DOCK3: variants seen among roughly 807,000 people sequenced by gnomAD.
DOCK3 encodes dedicator of cytokinesis 3, also known as dedicator of cytokinesis protein 3.
In DOCK3, 60 loss-of-function variants were observed where a neutral mutation model predicts 265.6. The ratio of observed to expected loss-of-function variants is 0.23; its 90% CI spans 0.18 to 0.28. The LOEUF (loss-of-function observed/expected upper bound fraction) is 0.28. DOCK3 is among the 10% of genes least tolerant of loss of function. The probability of loss-of-function intolerance (pLI) is 1.00; values close to 1 mark genes in which losing one functional copy is unlikely to be tolerated. For missense variants in DOCK3, 1,981 were observed against 2,594.3 expected (o/e 0.76, Z 5.14); for synonymous variants, 881 against 938.0 (o/e 0.94, Z 1.11).
chr3:50,863,359 G>C, intron 3 of DOCK3: 2 of 512,582 alleles, frequency 3.9e-6, no homozygotes, highest in South Asian at 2.9e-5. Flanking sequence ...CTGGCTACCC[G>C]GTTCTTTGTG....
chr3:51,337,035 G>T, intron 35 of DOCK3: 1 of 390,216 alleles, frequency 2.6e-6, no homozygotes, highest in East Asian at 7.2e-5. Context: ...CTCTGCTAGC[G>T]CTAAAGGGAC....
intron 9 of DOCK3, among the ~76,000 whole-genome samples, chr3:51,094,205 C>T (rs963163136): frequency 1.3e-5 from 2 of 152,076 alleles, no homozygotes; most frequent in African/African-American, 4.8e-5. Flanking sequence ...GGGATGATTC[C>T]CTCTTTTTCT....
At chr3:50,846,023 A>G (rs995971641) in intron 3 of DOCK3, among the ~76,000 whole-genome samples, 7 of 152,228 alleles carry the variant, frequency 4.6e-5, no homozygotes, top group Non-Finnish European at 8.8e-5. Flanking sequence ...TGAGGAATCA[A>G]TGAGTTGATA....
At chr3:50,750,322 A>ATTTTT (rs34249464) in intron 1 of DOCK3, among the ~76,000 whole-genome samples, 1 of 73,640 alleles carries the variant, frequency 1.4e-5, no homozygotes, top group Non-Finnish European at 2.7e-5. Flanking sequence ...TCTACCTTTG[A>ATTTTT]TTTTTTTTTT....
At chr3:50,937,207 G>A (rs2051416784) in intron 5 of DOCK3, among the ~76,000 whole-genome samples, 1 of 151,410 alleles carries the variant, frequency 6.6e-6, no homozygotes, top group Non-Finnish European at 1.5e-5. Context: ...AACCTGGGAG[G>A]CGGAGGTTTC....
At chr3:51,083,776 A>T (rs1180454157) in intron 7 of DOCK3, among the ~76,000 whole-genome samples, 2 of 152,288 alleles carry the variant, frequency 1.3e-5, no homozygotes, top group East Asian at 1.9e-4. Context: ...TGAGGCCAAG[A>T]GTTCGAGACC....
chr3:51,291,172 T>C (rs768365815), intron 27 of DOCK3, among the ~76,000 whole-genome samples: 39 of 152,294 alleles, frequency 2.6e-4, no homozygotes, highest in Non-Finnish European at 4.1e-4. Flanking sequence ...GAGGGAAGTT[T>C]ATAGCAATAA....
At chr3:51,301,466 T>A (rs1336670255) in intron 27 of DOCK3, among the ~76,000 whole-genome samples, 1 of 152,090 alleles carries the variant, frequency 6.6e-6, no homozygotes, top group Non-Finnish European at 1.5e-5. Flanking sequence ...GTTTGTTTGC[T>A]CTTGGTTCTC....
intron 3 of DOCK3, among the ~76,000 whole-genome samples, chr3:50,888,766 T>C (rs2048477369): frequency 6.6e-6 from 1 of 152,174 alleles, no homozygotes; most frequent in African/African-American, 2.4e-5. Flanking sequence ...GGGGAAAGGA[T>C]GCCCTATTTA....
chr3:50,688,000 A>G (rs2034953254), intron 1 of DOCK3, among the ~76,000 whole-genome samples: 7 of 152,140 alleles, frequency 4.6e-5, no homozygotes, highest in Admixed American at 2.0e-4. Context: ...CTCTCTTACA[A>G]TTGTACCTCA....
At chr3:51,153,607 G>A (rs2085714278) in intron 10 of DOCK3, among the ~76,000 whole-genome samples, 1 of 152,188 alleles carries the variant, frequency 6.6e-6, no homozygotes, top group African/African-American at 2.4e-5. Flanking sequence ...GGGAGCTGCA[G>A]ACCGGAGCTG....
At chr3:50,870,304 T>C (rs780087281) in intron 3 of DOCK3, among the ~76,000 whole-genome samples, 1 of 152,204 alleles carries the variant, frequency 6.6e-6, no homozygotes, top group African/African-American at 2.4e-5. Context: ...CAGTGTTGGT[T>C]GCACATATAC....
intron 21 of DOCK3, among the ~76,000 whole-genome samples, chr3:51,239,328 G>A (rs574539083): frequency 6.6e-6 from 1 of 151,986 alleles, no homozygotes; most frequent in South Asian, 2.1e-4. Flanking sequence ...TTCTGCCTCA[G>A]CCTCCTGAGT....
At chr3:51,338,852 C>T (rs1474300113) in intron 36 of DOCK3, 83 bp from the exon 37 acceptor site, 3 of 1,207,548 alleles carry the variant, frequency 2.5e-6, no homozygotes, top group African/African-American at 1.5e-5. Context: ...CTGCCCAGCA[C>T]ACCCACGGCT....
chr3:51,152,488 A>G (rs2085649064), intron 10 of DOCK3, among the ~76,000 whole-genome samples: 1 of 152,026 alleles, frequency 6.6e-6, no homozygotes. Context: ...TCTGAAGCCT[A>G]CTTCTGTCAA....
At chr3:50,899,076 G>A (rs750359892) in intron 4 of DOCK3, among the ~76,000 whole-genome samples, 5 of 152,096 alleles carry the variant, frequency 3.3e-5, no homozygotes, top group Non-Finnish European at 7.4e-5. Context: ...TGGCAGTGGG[G>A]TGTTAAAATC....
intron 12 of DOCK3, among the ~76,000 whole-genome samples, chr3:51,164,297 A>G (rs759466356): frequency 6.6e-5 from 10 of 152,296 alleles, no homozygotes; most frequent in Non-Finnish European, 1.3e-4. Flanking sequence ...AGATTAACAT[A>G]ACTTACCCGA....
chr3:50,944,471 T>G (rs2076376628), intron 5 of DOCK3, among the ~76,000 whole-genome samples: 1 of 152,238 alleles, frequency 6.6e-6, no homozygotes, highest in Non-Finnish European at 1.5e-5. Context: ...TACTATTTTT[T>G]AAAAGCCAAA....
At chr3:50,916,760 G>C (rs1401817626) in intron 4 of DOCK3, among the ~76,000 whole-genome samples, 1 of 150,518 alleles carries the variant, frequency 6.6e-6, no homozygotes, top group Non-Finnish European at 1.5e-5. Context: ...AGTGAGCCGA[G>C]ATTGCGCCAC....
Sources: allele counts gnomAD v4.1 joint callset (sites outside exome capture counted in the v4.1 genomes callset), GRCh38; gene constraint gnomAD v4.1.1; transcripts MANE v1.5; gene names NCBI Gene and HGNC (gene_info 2026-07-23, HGNC 2026-07-21).